The following SULF2 variants were observed in gnomAD, a reference collection of about 807,000 sequenced individuals.
SULF2 encodes the protein extracellular sulfatase Sulf-2.
In SULF2, 52 loss-of-function variants were observed where a neutral mutation model predicts 107.7. That is an observed-to-expected ratio of 0.48 (90% CI 0.39 to 0.61). SULF2 has a LOEUF of 0.61. Among genes scored for constraint, SULF2 ranks in the 20% least tolerant of loss-of-function variants. SULF2 has a pLI of 0.00. For missense variants in SULF2, 993 were observed against 1,177.3 expected (o/e 0.84, Z 2.29); for synonymous variants, 460 against 464.3 (o/e 0.99, Z 0.12).
chr20:47,715,544 G>A (rs1002635496), intron 3 of SULF2, among the ~76,000 whole-genome samples: 1 of 151,884 alleles, frequency 6.6e-6, no homozygotes, highest in African/African-American at 2.4e-5. Context: ...CTCGTAATGG[G>A]AGGCCTGTGG....
chr20:47,722,767 A>G (rs1310238789), intron 3 of SULF2, among the ~76,000 whole-genome samples: 2 of 151,544 alleles, frequency 1.3e-5, no homozygotes, highest in African/African-American at 4.9e-5. Context: ...CCCTGTCTCT[A>G]CTAAAGTACA....
chr20:47,701,935 G>A (rs2088583139), intron 4 of SULF2, among the ~76,000 whole-genome samples: 1 of 152,206 alleles, frequency 6.6e-6, no homozygotes, highest in Non-Finnish European at 1.5e-5. Flanking sequence ...TCCGTTCAGT[G>A]TGCGGCAAGC....
At chr20:47,740,924 C>T (rs889746473) in intron 2 of SULF2, among the ~76,000 whole-genome samples, 2 of 152,104 alleles carry the variant, frequency 1.3e-5, no homozygotes, top group South Asian at 2.1e-4. Context: ...CCCTTTCCTC[C>T]GGGTACTTGG....
intron 3 of SULF2, among the ~76,000 whole-genome samples, chr20:47,720,143 C>G (rs557833806): frequency 6.6e-6 from 1 of 151,934 alleles, no homozygotes; most frequent in African/African-American, 2.4e-5. Flanking sequence ...TTATTAGAGA[C>G]GGGGTTTCAC....
intron 2 of SULF2, among the ~76,000 whole-genome samples, chr20:47,746,607 G>C (rs1294992494): frequency 6.6e-6 from 1 of 152,170 alleles, no homozygotes; most frequent in Non-Finnish European, 1.5e-5. Context: ...GCAGAGGGGA[G>C]AGAAAGGCCT....
At chr20:47,722,424 C>A (rs1288331155) in intron 3 of SULF2, among the ~76,000 whole-genome samples, 1 of 151,976 alleles carries the variant, frequency 6.6e-6, no homozygotes, top group Non-Finnish European at 1.5e-5. Context: ...CTATGCCTGG[C>A]CAGTTTTTAA....
chr20:47,676,532 G>A lies in SULF2; in HGVS notation c.1342C>T (p.Arg448Cys), dbSNP rs1001038789. 3.7e-6 allele frequency: 6 copies of A among 1,600,596 alleles called. No individual in the cohort carries two copies. The highest frequency in any genetic ancestry group is 8.5e-7 in the Non-Finnish European group (1 of 1,174,270). ...KYQRVKDLCQ[R>C]AEYQTACEQL... is the part of the protein sequence containing the mutation. Reference sequence around the variant, plus strand: ...TCACACGCCGTCTGGTACTCAGCACGCTGACACAGGTCCTTCACACGCTGG... The same window carrying A: ...TCACACGCCGTCTGGTACTCAGCACACTGACACAGGTCCTTCACACGCTGG... The change falls in exon 10 of 21, where the codon CGT becomes TGT. Residue 448 changes from arginine (R) to cysteine (C), a missense_variant. By Grantham distance (180) the Arg-to-Cys change is radical. Around this residue, in one of 3 missense-constraint regions of SULF2, gnomAD observed 108 missense variants for 183.9 expected, o/e 0.59. Transcript: ENST00000688720.
At chr20:47,741,176 T>C (rs1024140841) in intron 2 of SULF2, among the ~76,000 whole-genome samples, 130 of 152,238 alleles carry the variant, frequency 8.5e-4, no homozygotes, top group Non-Finnish European at 1.6e-3. Context: ...GGGCTCCTGC[T>C]CACTCAGAGG....
chr20:47,698,262 C>T (rs1350138304), intron 4 of SULF2, among the ~76,000 whole-genome samples: 6 of 152,194 alleles, frequency 3.9e-5, no homozygotes, highest in Non-Finnish European at 8.8e-5. Context: ...GGGCTCTATT[C>T]CCAGCCAACG....
At chr20:47,682,875 TG>T in intron 7 of SULF2, 118 bp downstream of exon 7, 1 of 1,016,362 alleles carries the variant, frequency 9.8e-7, no homozygotes, top group South Asian at 1.6e-5. Context: ...CCGCTGGCCC[TG>T]GGGTACATCT....
rs114136428 is a variant in SULF2 at position 47,766,545 on chromosome 20, C to T, written c.-100-9082G>A. Among the ~76,000 whole-genome samples, 586 of 152,318 alleles carry T rather than the reference C, an allele frequency of 3.8e-3. 2 individuals carry two copies. The highest frequency in any genetic ancestry group is 0.013 in the African/African-American group (554 of 41,560). On this transcript the variant is annotated intron_variant, in intron 1 of 20. Coordinates refer to ENST00000688720, the MANE Select transcript of SULF2 (RefSeq NM_001387048.1). ...AGGGCTTAGGAACCCAGTTACCTGCCTAACTATTGATGTAACAAGACATTC... is the reference window on the plus strand; with the variant it reads ...AGGGCTTAGGAACCCAGTTACCTGCTTAACTATTGATGTAACAAGACATTC...
At chr20:47,729,145 G>A (rs917249575) in intron 3 of SULF2, among the ~76,000 whole-genome samples, 3 of 152,012 alleles carry the variant, frequency 2.0e-5, no homozygotes, top group Non-Finnish European at 2.9e-5. Flanking sequence ...TAGAAGTTTT[G>A]AGAAAAGGAA....
rs139958452 is a variant in SULF2 at position 47,659,331 on chromosome 20, A to G, written c.2582+68T>C. The G allele has an allele frequency of 6.2e-3, 8,681 of 1,406,802 alleles. 45 individuals carry two copies. Among genetic ancestry groups the G allele is most frequent in the Non-Finnish European group, 7.7e-3 (7,626 of 993,276 alleles). The allele number at this position is 1,406,802 out of a possible 1,614,324, so 87.1% of individuals were successfully genotyped here. On this transcript the variant is annotated intron_variant, in intron 20 of 20. Transcript: ENST00000688720. ...GGTATGTAAGAAATGGCATGCAAAT[A>G]GAATAGCATTGGCAAAATGAAGCGG...
chr20:47,746,992 A>ATATATATATAT (rs1555853868), intron 2 of SULF2, among the ~76,000 whole-genome samples: 1 of 90,378 alleles, frequency 1.1e-5, no homozygotes, highest in African/African-American at 4.3e-5. Context: ...TAAAAAAAAA[A>ATATATATATAT]AAATATATAT....
chr20:47,757,143 C>T (rs1238589934), intron 2 of SULF2, 46 bp downstream of exon 2: 1 of 1,502,556 alleles, frequency 6.7e-7, no homozygotes, highest in Non-Finnish European at 9.0e-7. Flanking sequence ...ACCCAGGGAC[C>T]CTGCTCCGAG....
intron 5 of SULF2, among the ~76,000 whole-genome samples, chr20:47,687,209 G>A (rs1486809298): frequency 2.0e-5 from 3 of 152,194 alleles, no homozygotes; most frequent in Non-Finnish European, 4.4e-5. Flanking sequence ...CGGAGAGAGC[G>A]CTTTTGGAGA....
At chr20:47,785,579 A>G (rs1600709723), upstream of SULF2, 1 of 130,260 alleles carries the variant, frequency 7.7e-6, no homozygotes. Flanking sequence ...GCGCCGCCCC[A>G]GCCAAAGTCC....
At chr20:47,745,876 C>T (rs6012258) in intron 2 of SULF2, among the ~76,000 whole-genome samples, 6,242 of 152,260 alleles carry the variant, frequency 0.041, 145 homozygotes, top group Non-Finnish European at 0.054. Context: ...AGTTAAAAAA[C>T]GGAGTCCCTC....
At chr20:47,763,151 T>A (rs1209948027) in intron 1 of SULF2, among the ~76,000 whole-genome samples, 4 of 152,076 alleles carry the variant, frequency 2.6e-5, no homozygotes, top group Non-Finnish European at 5.9e-5. Context: ...ACAACACCTC[T>A]CCTTCCCACC....
Sources: gnomAD v4.1 joint callset for allele counts (sites outside exome capture counted in the v4.1 genomes callset) on GRCh38, gnomAD v4.1.1 for gene constraint, gnomAD v4.1.1 regional missense constraint, MANE v1.5 for transcripts, NCBI Gene and HGNC (gene_info 2026-07-23, HGNC 2026-07-21) for gene names.